The following PALM2AKAP2 variants were observed in gnomAD, a reference collection of about 807,000 sequenced individuals.
The protein encoded by PALM2AKAP2 is PALM2-AKAP2 fusion protein.
In PALM2AKAP2, 37 loss-of-function variants were observed where a neutral mutation model predicts 71.5. The ratio of observed to expected loss-of-function variants is 0.52; its 90% CI spans 0.40 to 0.68. The LOEUF is 0.68. Ranked by LOEUF, PALM2AKAP2 falls within the 30% of genes least tolerant of loss-of-function variation. The pLI is 0.00. For synonymous variants in PALM2AKAP2, 468 were observed against 478.8 expected, an observed-to-expected ratio of 0.98 and a Z score of 0.29; for missense variants, 1,224 against 1,191.8, an observed-to-expected ratio of 1.03 and a Z score of -0.40.
chr9:109,885,182 G>GT (rs1243438026), intron 3 of PALM2AKAP2, among the ~76,000 whole-genome samples: 1 of 152,112 alleles, frequency 6.6e-6, no homozygotes, highest in Non-Finnish European at 1.5e-5. Flanking sequence ...TTACAGACAT[G>GT]TTTTTTTCCA....
chr9:110,034,380 A>G (rs1413862634), intron 7 of PALM2AKAP2, among the ~76,000 whole-genome samples: 2 of 151,060 alleles, frequency 1.3e-5, no homozygotes, highest in Admixed American at 1.3e-4. Flanking sequence ...CTGGCCTCAA[A>G]CTCCCGACCT....
At chr9:109,830,247 G>T (rs1394077378) in intron 1 of PALM2AKAP2, among the ~76,000 whole-genome samples, 1 of 152,144 alleles carries the variant, frequency 6.6e-6, no homozygotes, top group Non-Finnish European at 1.5e-5. Flanking sequence ...GATTATAGAC[G>T]ATTTTTACTT....
At chr9:109,987,655 A>C (rs2132224025) in intron 6 of PALM2AKAP2, among the ~76,000 whole-genome samples, 1 of 152,348 alleles carries the variant, frequency 6.6e-6, no homozygotes, top group Middle Eastern at 3.4e-3. Flanking sequence ...ATAATTGCCC[A>C]TAACAAGAAT....
At chr9:109,814,937 T>A (rs1468931883) in intron 1 of PALM2AKAP2, among the ~76,000 whole-genome samples, 4 of 152,118 alleles carry the variant, frequency 2.6e-5, no homozygotes, top group Admixed American at 2.6e-4. Flanking sequence ...CAGGAAGTGA[T>A]CTAGTTGGAT....
chr9:109,856,147 T>TTTATGTG (rs1334085853), intron 1 of PALM2AKAP2, among the ~76,000 whole-genome samples: 6 of 152,294 alleles, frequency 3.9e-5, no homozygotes, highest in African/African-American at 1.4e-4. Context: ...CTATTAGAGT[T>TTTATGTG]TTATGTGTTC....
intron 6 of PALM2AKAP2, among the ~76,000 whole-genome samples, chr9:109,969,560 C>T (rs1832026192): frequency 6.6e-6 from 1 of 152,232 alleles, no homozygotes. Flanking sequence ...CACCCAAGGT[C>T]ATGCAAAGGT....
intron 6 of PALM2AKAP2, among the ~76,000 whole-genome samples, chr9:109,977,126 T>G (rs535301684): frequency 3.7e-4 from 57 of 152,282 alleles, no homozygotes; most frequent in Non-Finnish European, 6.8e-4. Flanking sequence ...TTATTTCTAA[T>G]GCTGCTGGTC....
chr9:109,892,826 G>C (rs957337909), intron 3 of PALM2AKAP2, among the ~76,000 whole-genome samples: 5 of 152,078 alleles, frequency 3.3e-5, no homozygotes, highest in African/African-American at 7.2e-5. Flanking sequence ...GGGGAGGGGT[G>C]ACTATTAAGT....
intron 1 of PALM2AKAP2, among the ~76,000 whole-genome samples, chr9:109,815,342 G>C (rs1420145167): frequency 1.3e-5 from 2 of 152,194 alleles, no homozygotes; most frequent in African/African-American, 2.4e-5. Flanking sequence ...TGCCTGATAG[G>C]AAATAACATG....
intron 3 of PALM2AKAP2, among the ~76,000 whole-genome samples, chr9:109,912,460 C>G (rs1204118914): frequency 6.6e-6 from 1 of 152,134 alleles, no homozygotes; most frequent in Admixed American, 6.5e-5. Context: ...AATGATCTGC[C>G]GTGACTCCAG....
intron 6 of PALM2AKAP2, among the ~76,000 whole-genome samples, chr9:109,962,097 T>C (rs1157740912): frequency 1.3e-5 from 2 of 152,202 alleles, no homozygotes; most frequent in Non-Finnish European, 2.9e-5. Flanking sequence ...CCAAGAAGCA[T>C]ACCCGAGACT....
intron 1 of PALM2AKAP2, among the ~76,000 whole-genome samples, chr9:109,785,347 T>C (rs1826933876): frequency 6.6e-6 from 1 of 152,224 alleles, no homozygotes. Context: ...TCCTGAGGTG[T>C]GTAGAGCAAA....
chr9:110,082,315 C>T (rs1195201494), intron 1 of PALM2AKAP2, among the ~76,000 whole-genome samples: 1 of 152,146 alleles, frequency 6.6e-6, no homozygotes, highest in Non-Finnish European at 1.5e-5. Flanking sequence ...CTCAGCCTCC[C>T]AAAGTGCTGG....
chr9:110,070,878 G>C (rs1834189710), intron 1 of PALM2AKAP2, among the ~76,000 whole-genome samples: 1 of 152,030 alleles, frequency 6.6e-6, no homozygotes, highest in Non-Finnish European at 1.5e-5. Flanking sequence ...TTAGAAATTA[G>C]AGGCCAGGTG....
chr9:110,070,819 G>A (rs1588090278), intron 1 of PALM2AKAP2, among the ~76,000 whole-genome samples: 1 of 152,136 alleles, frequency 6.6e-6, no homozygotes, highest in East Asian at 1.9e-4. Flanking sequence ...TTGCATTTCT[G>A]TTTTTTTCGT....
chr9:109,648,629 A>G (rs537968747), intron 1 of PALM2AKAP2, among the ~76,000 whole-genome samples: 1 of 152,124 alleles, frequency 6.6e-6, no homozygotes, highest in African/African-American at 2.4e-5. Context: ...TTGGATAGAG[A>G]CTTGAACAAG....
At position 109,783,872 on chromosome 9, in the gene PALM2AKAP2, A is replaced by T. The variant is rs564926918; in HGVS notation, c.45+3339A>T. Among the ~76,000 whole-genome samples the T allele has an allele frequency of 1.6e-4, 25 of 152,342 alleles. No homozygotes were observed. In the South Asian group the frequency reaches 5.2e-3, roughly 32 times the overall value. On this transcript the variant is annotated intron_variant, in intron 1 of 9. Transcript: ENST00000302798. ...AAGGACAGATGTCCTGATACCTAAG[A>T]TGCTTGTCACATGAACATCTGTGGA...
chr9:109,967,865 T>G (rs1355568910), intron 6 of PALM2AKAP2, among the ~76,000 whole-genome samples: 1 of 152,192 alleles, frequency 6.6e-6, no homozygotes, highest in African/African-American at 2.4e-5. Context: ...ATTTGTGGGT[T>G]TGGGGTACCA....
chr9:109,852,708 G>A (rs1189965285), intron 1 of PALM2AKAP2, among the ~76,000 whole-genome samples: 5 of 152,022 alleles, frequency 3.3e-5, no homozygotes, highest in African/African-American at 1.2e-4. Flanking sequence ...GTTTTTTGAC[G>A]TTTTAATAGT....
Sources: gnomAD v4.1 joint callset for allele counts (sites outside exome capture counted in the v4.1 genomes callset) on GRCh38, gnomAD v4.1.1 for gene constraint, MANE v1.5 for transcripts, NCBI Gene and HGNC (gene_info 2026-07-23, HGNC 2026-07-21) for gene names.